IMMP2L: variants seen among roughly 807,000 people sequenced by gnomAD.
The protein encoded by IMMP2L is mitochondrial inner membrane protease subunit 2.
Under a neutral mutation model 19.3 loss-of-function variants are expected in IMMP2L, and 18 were observed. The observed-to-expected ratio is 0.93, with a 90% CI of 0.64 to 1.38. The LOEUF (loss-of-function observed/expected upper bound fraction) is 1.38, where lower values mean the gene tolerates loss of function less well. Ranked by LOEUF, IMMP2L falls within the 40% of genes most tolerant of loss-of-function variation. The probability of loss-of-function intolerance (pLI) is 0.00; values close to 1 mark genes in which losing one functional copy is unlikely to be tolerated. For missense variants in IMMP2L, 233 were observed against 218.2 expected (o/e 1.07, Z -0.43); for synonymous variants, 76 against 73.0 (o/e 1.04, Z -0.21).
At chr7:111,339,581 T>C (rs1381265950) in intron 3 of IMMP2L, among the ~76,000 whole-genome samples, 1 of 151,696 alleles carries the variant, frequency 6.6e-6, no homozygotes, top group African/African-American at 2.4e-5. Flanking sequence ...ATTGCAGAAA[T>C]AGTGACTGAA....
At chr7:110,700,824 T>C (rs1264692654) in intron 5 of IMMP2L, among the ~76,000 whole-genome samples, 1 of 152,238 alleles carries the variant, frequency 6.6e-6, no homozygotes, top group Non-Finnish European at 1.5e-5. Flanking sequence ...TAAATGCTTA[T>C]TAATGTGGCC....
At chr7:111,193,506 C>T (rs1809130809) in intron 3 of IMMP2L, among the ~76,000 whole-genome samples, 1 of 152,154 alleles carries the variant, frequency 6.6e-6, no homozygotes. Context: ...GAGCATCCAT[C>T]TCCAACGACT....
chr7:110,771,584 T>A lies in IMMP2L; in HGVS notation c.409-107863A>T, dbSNP rs1799039682. ...CAAGAAAAATACAATTACCTATCTATCATGCTGGCCATGAAGCTTACATGA... is the reference window on the plus strand; with the variant it reads ...CAAGAAAAATACAATTACCTATCTAACATGCTGGCCATGAAGCTTACATGA... On this transcript the variant is annotated intron_variant, in intron 5 of 5. Coordinates refer to ENST00000405709, the MANE Select transcript of IMMP2L (RefSeq NM_032549.4). 2.0e-5 allele frequency among the ~76,000 whole-genome samples: 3 copies of A among 152,052 alleles called. No individual in the cohort carries two copies. The South Asian group carries it at 6.2e-4, about 32-fold the overall frequency.
chr7:111,266,738 C>T (rs2130054551), intron 3 of IMMP2L, among the ~76,000 whole-genome samples: 1 of 152,270 alleles, frequency 6.6e-6, no homozygotes, highest in Admixed American at 6.5e-5. Flanking sequence ...ACGGCATTTT[C>T]CTGCCAGACA....
intron 3 of IMMP2L, among the ~76,000 whole-genome samples, chr7:111,232,506 G>T (rs75098612): frequency 0.011 from 1,612 of 151,874 alleles, 32 homozygotes; most frequent in African/African-American, 0.036. Flanking sequence ...AGGTTAGCTA[G>T]ATCTGACATG....
chr7:110,887,520 T>C (rs1810342818), intron 4 of IMMP2L, among the ~76,000 whole-genome samples: 1 of 151,904 alleles, frequency 6.6e-6, no homozygotes, highest in African/African-American at 2.4e-5. Context: ...AGAAATCCAT[T>C]TGAAAAATAA....
intron 3 of IMMP2L, among the ~76,000 whole-genome samples, chr7:111,057,568 G>A (rs746659697): frequency 1.1e-4 from 17 of 152,148 alleles, no homozygotes; most frequent in Admixed American, 3.9e-4. Flanking sequence ...ATAGAAAGCA[G>A]CTTACATATT....
chr7:110,881,827 T>G (rs928180149), intron 5 of IMMP2L, among the ~76,000 whole-genome samples: 1 of 152,190 alleles, frequency 6.6e-6, no homozygotes, highest in African/African-American at 2.4e-5. Context: ...AATCACTTCA[T>G]TCACAAAACA....
intron 5 of IMMP2L, among the ~76,000 whole-genome samples, chr7:110,826,726 T>C (rs760206257): frequency 3.9e-5 from 6 of 152,044 alleles, no homozygotes; most frequent in Non-Finnish European, 7.4e-5. Context: ...TTAGGAGATA[T>C]ACCTAATGTA....
At chr7:111,556,018 GTA>G (rs1554550149) in intron 1 of IMMP2L, among the ~76,000 whole-genome samples, 23 of 91,286 alleles carry the variant, frequency 2.5e-4, no homozygotes, top group South Asian at 4.2e-4. Flanking sequence ...CTGTGTGCAT[GTA>G]TATATATATA....
At chr7:111,097,436 A>G (rs1286422129) in intron 3 of IMMP2L, 2 of 151,954 alleles carry the variant, frequency 1.3e-5, no homozygotes, top group Non-Finnish European at 2.9e-5. Flanking sequence ...TATCAAATTA[A>G]TAACGACTAT....
chr7:110,982,484 T>C (rs1261327522), intron 3 of IMMP2L, among the ~76,000 whole-genome samples: 3 of 152,150 alleles, frequency 2.0e-5, no homozygotes, highest in Non-Finnish European at 4.4e-5. Flanking sequence ...TGGCAGTCTC[T>C]GTAGAAAATC....
At chr7:111,496,897 C>CATAGATAG (rs367671688) in intron 2 of IMMP2L, among the ~76,000 whole-genome samples, 1,810 of 151,544 alleles carry the variant, frequency 0.012, 18 homozygotes, top group African/African-American at 0.022. Flanking sequence ...TAGATAGATA[C>CATAGATAG]ATAGATAGAT....
chr7:111,505,530 T>C (rs1239400977), intron 2 of IMMP2L, among the ~76,000 whole-genome samples: 1 of 152,120 alleles, frequency 6.6e-6, no homozygotes, highest in African/African-American at 2.4e-5. Flanking sequence ...CACATATATA[T>C]TGTGGCACTA....
At chr7:110,887,469 A>T (rs377217151) in intron 4 of IMMP2L, among the ~76,000 whole-genome samples, 1 of 152,094 alleles carries the variant, frequency 6.6e-6, no homozygotes, top group Non-Finnish European at 1.5e-5. Context: ...GTTTTAAGAT[A>T]CTAAAATGTT....
intron 5 of IMMP2L, among the ~76,000 whole-genome samples, chr7:110,842,221 G>A (rs1805161725): frequency 6.6e-6 from 1 of 152,080 alleles, no homozygotes; most frequent in African/African-American, 2.4e-5. Context: ...GGGAGAACAG[G>A]AAGAAAATAT....
intron 2 of IMMP2L, among the ~76,000 whole-genome samples, chr7:111,508,554 A>G (rs774714884): frequency 3.3e-5 from 5 of 152,112 alleles, no homozygotes; most frequent in African/African-American, 4.8e-5. Context: ...GAGAGGGCAC[A>G]GAGGGTGGGA....
chr7:111,420,924 T>C (rs926854110), intron 3 of IMMP2L, among the ~76,000 whole-genome samples: 1 of 151,832 alleles, frequency 6.6e-6, no homozygotes, highest in Non-Finnish European at 1.5e-5. Flanking sequence ...ATATACCCAG[T>C]AATGGGACCG....
chr7:111,230,475 C>T (rs1048550664), intron 3 of IMMP2L, among the ~76,000 whole-genome samples: 26 of 151,994 alleles, frequency 1.7e-4, no homozygotes, highest in African/African-American at 6.0e-4. Flanking sequence ...TTACTATGTT[C>T]ATAAAAGTGT....
Sources: allele counts gnomAD v4.1 joint callset (sites outside exome capture counted in the v4.1 genomes callset), GRCh38; gene constraint gnomAD v4.1.1; transcripts MANE v1.5; gene names NCBI Gene and HGNC (gene_info 2026-07-23, HGNC 2026-07-21).